The following TSNAX variants were observed in gnomAD, a reference collection of about 807,000 sequenced individuals.
TSNAX encodes translin associated factor X.
Under a neutral mutation model 33.0 loss-of-function variants are expected in TSNAX, and 12 were observed. That is an observed-to-expected ratio of 0.36 (90% CI 0.23 to 0.59). The LOEUF (loss-of-function observed/expected upper bound fraction) is 0.59. Ranked by LOEUF, TSNAX falls within the 20% of genes least tolerant of loss-of-function variation. TSNAX has a pLI of 0.74. For missense variants in TSNAX, 267 were observed against 341.3 expected (o/e 0.78, Z 1.72); for synonymous variants, 110 against 117.2 (o/e 0.94, Z 0.40).
intron 2 of TSNAX, chr1:231,534,648 G>C (rs1454774518): frequency 2.6e-5 from 4 of 152,132 alleles, no homozygotes; most frequent in African/African-American, 9.7e-5. Flanking sequence ...AGTGCTTATT[G>C]GGCACATGGA....
At chr1:231,561,977 A>G (rs1156480456) in intron 5 of TSNAX, among the ~76,000 whole-genome samples, 1 of 152,160 alleles carries the variant, frequency 6.6e-6, no homozygotes, top group Non-Finnish European at 1.5e-5. Flanking sequence ...TCTGAAATTT[A>G]TGTAGCTTTT....
At chr1:231,528,882 CT>C in intron 1 of TSNAX, 56 bp downstream of exon 1, 1 of 1,608,036 alleles carries the variant, frequency 6.2e-7, no homozygotes. Context: ...GTTCTCCAGT[CT>C]TTCTATGCAG....
At chr1:231,561,009 A>C (rs202174976) in intron 4 of TSNAX, 119 bp from the exon 5 acceptor site, 32 of 945,972 alleles carry the variant, frequency 3.4e-5, no homozygotes, top group Non-Finnish European at 5.1e-5. Context: ...CTGGCATTGT[A>C]GTAGGCATCC....
intron 4 of TSNAX, among the ~76,000 whole-genome samples, chr1:231,559,991 T>TA (rs1558137434): frequency 2.7e-5 from 4 of 150,188 alleles, no homozygotes; most frequent in African/African-American, 9.7e-5. Context: ...TATTATTTTT[T>TA]TTTTTTTGCG....
chr1:231,560,868 C>T (rs1661066303), intron 4 of TSNAX, among the ~76,000 whole-genome samples: 1 of 152,202 alleles, frequency 6.6e-6, no homozygotes, highest in African/African-American at 2.4e-5. Context: ...CTGTGTTGGC[C>T]AGGCTGGTCT....
chr1:231,544,949 T>C (rs1489199113), intron 4 of TSNAX, among the ~76,000 whole-genome samples: 1 of 152,224 alleles, frequency 6.6e-6, no homozygotes, highest in East Asian at 1.9e-4. Flanking sequence ...TAGGCCTTCG[T>C]TTATGATTTG....
intron 2 of TSNAX, chr1:231,535,584 A>G (rs534072357): frequency 6.6e-6 from 1 of 152,354 alleles, no homozygotes; most frequent in Non-Finnish European, 1.5e-5. Flanking sequence ...ATTCGAGACT[A>G]AAACAAATTA....
At chr1:231,540,216 G>A (rs532974175) in intron 3 of TSNAX, among the ~76,000 whole-genome samples, 27 of 148,686 alleles carry the variant, frequency 1.8e-4, no homozygotes, top group African/African-American at 6.7e-4. Flanking sequence ...AAAGAAATGA[G>A]CCAGTCACAG....
chr1:231,536,940 C>A lies in TSNAX; in HGVS notation c.122-273C>A, dbSNP rs565242774. The stretch of plus-strand genomic sequence containing the variant: ...CTCTGCCTCCGGGGTTCAAGCGATT[C>A]TTCTGCCTCAGCCTCCCGAGTAGCT... On this transcript the variant is annotated intron_variant, in intron 2 of 5. Transcript: ENST00000366639. 9 of 199,194 alleles carry A rather than the reference C, an allele frequency of 4.5e-5. No individual in the cohort carries two copies. In the East Asian group the frequency reaches 1.0e-3, roughly 23 times the overall value. The allele number at this position is 199,194 out of a possible 1,614,324, so 12.3% of individuals were successfully genotyped here.
intron 5 of TSNAX, 39 bp downstream of exon 5, chr1:231,561,294 T>G (rs201657630): frequency 2.8e-4 from 397 of 1,403,972 alleles, no homozygotes; most frequent in Middle Eastern, 4.9e-4. Flanking sequence ...GTTATATAAT[T>G]TATGTAACAG....
At chr1:231,549,311 G>A (rs1434351127) in intron 4 of TSNAX, among the ~76,000 whole-genome samples, 1 of 152,042 alleles carries the variant, frequency 6.6e-6, no homozygotes, top group African/African-American at 2.4e-5. Context: ...GGACATGGTG[G>A]CGTGCACCTG....
Position 231,565,005 on chromosome 1 carries a change from A to G in TSNAX, c.*100A>G, listed in dbSNP as rs559083933. 10 of 1,354,978 alleles carry G rather than the reference A, an allele frequency of 7.4e-6. No homozygotes were observed. In the African/African-American group the frequency reaches 8.8e-5, roughly 12 times the overall value. 83.9% of individuals were successfully genotyped at this position (1,354,978 alleles called of 1,614,324 possible). A position where few individuals can be genotyped will look rare whatever the true frequency, so the allele number is the denominator to read the frequency against. ...CATTTAACTTTATTGTGGCTTTTAC[A>G]TAGAAACATATTCAGTTGTACTTGT... On this transcript the variant is annotated 3_prime_UTR_variant, in exon 6 of 6. Transcript: ENST00000366639.
Position 231,528,822 on chromosome 1 carries a change from A to G in TSNAX, c.12A>G (p.Lys4=), listed in dbSNP as rs759364454. Residue 4 remains lysine, a synonymous_variant, in exon 1 of 6, where the codon AAA becomes AAG. Coordinates refer to ENST00000366639, the MANE Select transcript of TSNAX (RefSeq NM_005999.3). MSN[K]EGSGGFRKRK... ...TAGGCTGTGACGACATGAGCAACAAAGAAGGTGGCGTCCTTAACAACACGG... is the reference window on the plus strand; with the variant it reads ...TAGGCTGTGACGACATGAGCAACAAGGAAGGTGGCGTCCTTAACAACACGG... 3.1e-6 allele frequency: 5 copies of G among 1,614,182 alleles called. No individual in the cohort carries two copies. Among genetic ancestry groups the G allele is most frequent in the Non-Finnish European group, 4.2e-6 (5 of 1,180,044 alleles).
At chr1:231,556,552 TG>T (rs1471690276) in intron 4 of TSNAX, among the ~76,000 whole-genome samples, 1 of 152,228 alleles carries the variant, frequency 6.6e-6, no homozygotes, top group Non-Finnish European at 1.5e-5. Context: ...AGTGTTACAT[TG>T]GGCGAGATGG....
At chr1:231,557,048 G>T (rs995809300) in intron 4 of TSNAX, among the ~76,000 whole-genome samples, 7 of 152,164 alleles carry the variant, frequency 4.6e-5, no homozygotes, top group Non-Finnish European at 7.3e-5. Flanking sequence ...AGAATAGATG[G>T]GGGGAGACCA....
intron 4 of TSNAX, among the ~76,000 whole-genome samples, chr1:231,553,629 G>C (rs575158746): frequency 1.3e-5 from 2 of 151,216 alleles, no homozygotes; most frequent in Admixed American, 6.6e-5. Context: ...TTTTGGGCCA[G>C]ATGTCCTTGA....
chr1:231,530,583 C>T (rs1247304363), intron 2 of TSNAX, among the ~76,000 whole-genome samples: 2 of 151,976 alleles, frequency 1.3e-5, no homozygotes, highest in East Asian at 1.9e-4. Context: ...ATTAGCCGGG[C>T]GTCAGTAGTC....
chr1:231,543,517 AT>A (rs1325794291), intron 4 of TSNAX, among the ~76,000 whole-genome samples: 1 of 152,108 alleles, frequency 6.6e-6, no homozygotes, highest in African/African-American at 2.4e-5. Context: ...ATTTTGGACC[AT>A]TTCGGATTTA....
rs969859385 is a variant in TSNAX at position 231,532,193 on chromosome 1, G to GTTT, written c.121+2847_121+2849dup. Among the ~76,000 whole-genome samples the GTTT allele has an allele frequency of 5.3e-4, 25 of 47,412 alleles. 1 individual carries two copies. The highest frequency in any genetic ancestry group is 1.8e-3 in the African/African-American group (24 of 13,056). The allele number at this position is 47,412 out of a possible 152,430, so 31.1% of individuals were successfully genotyped here. A position where few individuals can be genotyped will look rare whatever the true frequency, so the allele number is the denominator to read the frequency against. ...ACACACACACACACACACAGTTTTG[G>GTTT]TTTTTTTTTTTTTTTGGAGACAACG... On this transcript the variant is annotated intron_variant, in intron 2 of 5. Transcript: ENST00000366639.
Sources: allele counts gnomAD v4.1 joint callset (sites outside exome capture counted in the v4.1 genomes callset), GRCh38; gene constraint gnomAD v4.1.1; transcripts MANE v1.5; gene names NCBI Gene and HGNC (gene_info 2026-07-23, HGNC 2026-07-21).